Variants in TTC12 observed in about 807,000 individuals in gnomAD.
TTC12 encodes the protein tetratricopeptide repeat domain 12.
A neutral mutation model predicts 90.1 loss-of-function variants in TTC12; 70 were observed. The observed-to-expected ratio is 0.78, with a 90% CI of 0.64 to 0.95. The LOEUF is 0.95. Among genes scored for constraint, TTC12 ranks in the 40% least tolerant of loss-of-function variants. The pLI, the probability that TTC12 is intolerant of heterozygous loss-of-function variation, is 0.00. For missense variants in TTC12, 819 were observed against 846.1 expected (o/e 0.97, Z 0.40); for synonymous variants, 296 against 311.5 (o/e 0.95, Z 0.53).
chr11:113,337,995 G>T (rs1287751089), intron 8 of TTC12, among the ~76,000 whole-genome samples: 1 of 152,132 alleles, frequency 6.6e-6, no homozygotes, highest in Non-Finnish European at 1.5e-5. Flanking sequence ...ATGTGTTATT[G>T]TTTTCCTTCA....
At chr11:113,340,800 G>A in intron 11 of TTC12, 67 bp downstream of exon 11, 1 of 1,334,828 alleles carries the variant, frequency 7.5e-7, no homozygotes, top group Non-Finnish European at 1.1e-6. Context: ...TATGAAATCA[G>A]ACACGAGGCA....
chr11:113,346,751 GAA>G (rs58619294), intron 13 of TTC12, among the ~76,000 whole-genome samples: 31 of 57,534 alleles, frequency 5.4e-4, no homozygotes, highest in African/African-American at 1.6e-3. Context: ...ATCTGCTACA[GAA>G]AAAAAAAAAA....
chr11:113,324,063 A>G, intron 4 of TTC12, 48 bp downstream of exon 4: 12 of 1,504,500 alleles, frequency 8.0e-6, no homozygotes, highest in Non-Finnish European at 1.1e-5. Flanking sequence ...ATATAGGACC[A>G]GTTTTGATTG....
Position 113,332,569 on chromosome 11 carries a change from G to A in TTC12, c.505-2397G>A, listed in dbSNP as rs567422127. On this transcript the variant is annotated intron_variant, in intron 7 of 21. Coordinates refer to ENST00000529221, the MANE Select transcript of TTC12 (RefSeq NM_017868.4). ...TCAATTTTATCCTTTGTGAATTCAT[G>A]AGGGGTCACCCCTCTGCTCCCCGTC... Among the ~76,000 whole-genome samples the A allele has an allele frequency of 2.0e-4, 31 of 152,164 alleles. 1 individual carries two copies. The South Asian group carries it at 6.4e-3, about 32-fold the overall frequency.
At chr11:113,353,125 A>G (rs1555151058) in intron 16 of TTC12, among the ~76,000 whole-genome samples, 1 of 152,200 alleles carries the variant, frequency 6.6e-6, no homozygotes, top group Non-Finnish European at 1.5e-5. Flanking sequence ...CAGCCTTGCC[A>G]GCATCTGTTA....
intron 21 of TTC12, 79 bp downstream of exon 21, chr11:113,365,139 T>C: frequency 7.7e-7 from 1 of 1,304,974 alleles, no homozygotes; most frequent in Non-Finnish European, 1.1e-6. Context: ...TGGCTGGGAC[T>C]GCATGCCACA....
At chr11:113,350,311 T>A (rs1555149686) in intron 14 of TTC12, 146 bp downstream of exon 14, 4 of 630,166 alleles carry the variant, frequency 6.3e-6, no homozygotes, top group Non-Finnish European at 1.1e-5. Flanking sequence ...GGCTGATGCC[T>A]CCCAGGGGGC....
At chr11:113,355,993 CTT>C (rs1555152327) in intron 16 of TTC12, among the ~76,000 whole-genome samples, 1 of 152,128 alleles carries the variant, frequency 6.6e-6, no homozygotes. Context: ...TCCTGAGTAT[CTT>C]TGTTGATTTT....
intron 13 of TTC12, among the ~76,000 whole-genome samples, chr11:113,348,171 A>T (rs569297955): frequency 6.6e-6 from 1 of 152,260 alleles, no homozygotes; most frequent in East Asian, 1.9e-4. Context: ...CAACATCCAC[A>T]AGTATCATCG....
rs782428460 is a variant in TTC12, at chr11:113,325,511, T to C, written c.323-13T>C. On this transcript the variant is annotated splice_polypyrimidine_tract_variant and intron_variant, in intron 5 of 21. Coordinates refer to ENST00000529221, the MANE Select transcript of TTC12 (RefSeq NM_017868.4). ...GTGGTGAGAGCTCACCTGTGTAACT[T>C]ATATTCCCATAGCCCTAAAAGAAAA... 37 of 1,613,440 alleles carry C rather than the reference T, an allele frequency of 2.3e-5. 1 individual carries two copies. In the Middle Eastern group the frequency reaches 4.9e-4, roughly 22 times the overall value.
intron 14 of TTC12, 75 bp downstream of exon 14, chr11:113,350,240 T>C (rs2138032486): frequency 8.3e-7 from 1 of 1,208,912 alleles, no homozygotes; most frequent in East Asian, 2.4e-5. Context: ...AAAAATGTGC[T>C]GTATTCAGAG....
chr11:113,335,608 T>C (rs1948324972), intron 8 of TTC12, among the ~76,000 whole-genome samples: 1 of 152,162 alleles, frequency 6.6e-6, no homozygotes, highest in Non-Finnish European at 1.5e-5. Context: ...ATCTCAACGT[T>C]AGGCAACCAT....
chr11:113,341,383 C>T (rs1555145960), intron 11 of TTC12, among the ~76,000 whole-genome samples: 1 of 152,158 alleles, frequency 6.6e-6, no homozygotes, highest in African/African-American at 2.4e-5. Flanking sequence ...ATTTGCTGAT[C>T]ATATCAAGAA....
intron 6 of TTC12, among the ~76,000 whole-genome samples, chr11:113,327,292 A>G (rs569386181): frequency 2.6e-5 from 4 of 152,212 alleles, no homozygotes; most frequent in Non-Finnish European, 5.9e-5. Context: ...AGCTTTCCCA[A>G]GGAGAAAGCT....
rs782378503 is a variant in TTC12 at position 113,324,643 on chromosome 11, C to T, written c.283C>T (p.Arg95Ter). The change falls in exon 5 of 22, where the codon CGA becomes TGA. Residue 95 changes from arginine (R) to a stop codon, truncating the protein, a stop_gained. Transcript: ENST00000529221. LOFTEE classifies it high-confidence loss of function. Reference protein sequence around the residue: ...LASVEKDAKERAKRRRENKVL... With the variant: ...LASVEKDAKE ...ATCTGTGGAGAAGGATGCAAAGGAA[C>T]GAGCCAAGAGAAGAAGGGAAAACAA... is the stretch of plus-strand genomic sequence containing the variant. The T allele has an allele frequency of 1.1e-4, 174 of 1,613,774 alleles. No homozygotes were observed. The highest frequency in any genetic ancestry group is 1.4e-4 in the Non-Finnish European group (169 of 1,179,926).
chr11:113,341,675 A>G, intron 11 of TTC12, 162 bp from the exon 12 acceptor site: 1 of 632,404 alleles, frequency 1.6e-6, no homozygotes, highest in Admixed American at 2.3e-5. Context: ...CCTGGGACTC[A>G]TGGTTCCGTG....
chr11:113,324,204 C>G (rs1220560951), intron 4 of TTC12, 189 bp downstream of exon 4: 2 of 562,322 alleles, frequency 3.6e-6, no homozygotes, highest in African/African-American at 3.8e-5. Flanking sequence ...TCTTTATTTT[C>G]TCTTGGTCAA....
Position 113,340,736 on chromosome 11 carries a change from AG to A in TTC12, c.896+6del. 6.2e-7 allele frequency: 1 copy of A among 1,612,132 alleles called. No individual in the cohort carries two copies. The highest frequency in any genetic ancestry group is 8.5e-7 in the Non-Finnish European group (1 of 1,178,164). ...AGTGACAACGAGGTCATAAGAAGGT[AG>A]GGATGTTCATAGAGACAGCCCAGCA... On this transcript the variant is annotated splice_donor_region_variant and intron_variant, in intron 11 of 21. Transcript: ENST00000529221.
At chr11:113,339,576 A>C in intron 10 of TTC12, 102 bp downstream of exon 10, 1 of 1,093,396 alleles carries the variant, frequency 9.1e-7, no homozygotes, top group Non-Finnish European at 1.3e-6. Flanking sequence ...TTCCTTCCAC[A>C]AATATTGATT....
Sources: allele counts gnomAD v4.1 joint callset (sites outside exome capture counted in the v4.1 genomes callset), GRCh38; gene constraint gnomAD v4.1.1; transcripts MANE v1.5; gene names NCBI Gene and HGNC (gene_info 2026-07-23, HGNC 2026-07-21).